The following SLC13A4 variants were observed in gnomAD, a reference collection of about 807,000 sequenced individuals.
SLC13A4 encodes solute carrier family 13 member 4.
SLC13A4 carries 28 observed loss-of-function variants against 72.7 expected under a neutral mutation model. The observed-to-expected ratio is 0.39, with a 90% confidence interval of 0.29 to 0.53. SLC13A4 has a LOEUF of 0.53. SLC13A4 is among the 20% of genes least tolerant of loss of function. The pLI, the probability that SLC13A4 is intolerant of heterozygous loss-of-function variation, is 0.78. For synonymous variants in SLC13A4, 312 were observed against 325.5 expected, an observed-to-expected ratio of 0.96 and a Z score of 0.45; for missense variants, 653 against 788.0, an observed-to-expected ratio of 0.83 and a Z score of 2.05.
At chr7:135,703,163 A>T in intron 5 of SLC13A4, 1 of 477,184 alleles carries the variant, frequency 2.1e-6, no homozygotes, top group Non-Finnish European at 3.8e-6. Flanking sequence ...GATATTAGAT[A>T]CAGAGTGCAC....
At chr7:135,715,490 A>AGTGG (rs1392043025) in intron 2 of SLC13A4, among the ~76,000 whole-genome samples, 2 of 129,952 alleles carry the variant, frequency 1.5e-5, no homozygotes, top group Non-Finnish European at 3.2e-5. Context: ...TGTATGTATG[A>AGTGG]GTGGGTGTGT....
At chr7:135,690,137 C>T (rs868162697) in intron 13 of SLC13A4, among the ~76,000 whole-genome samples, 6 of 135,154 alleles carry the variant, frequency 4.4e-5, no homozygotes, top group Non-Finnish European at 6.1e-5. Context: ...GCAGAGATGG[C>T]GCCACTGCAC....
intron 2 of SLC13A4, among the ~76,000 whole-genome samples, chr7:135,716,815 C>T (rs771276010): frequency 5.3e-5 from 8 of 152,190 alleles, no homozygotes; most frequent in Non-Finnish European, 4.4e-5. Context: ...AGCACCTTCA[C>T]GGAGGATTAA....
At chr7:135,722,029 C>T (rs1325328260) in intron 1 of SLC13A4, among the ~76,000 whole-genome samples, 1 of 152,076 alleles carries the variant, frequency 6.6e-6, no homozygotes, top group Non-Finnish European at 1.5e-5. Context: ...TCACTTGAGC[C>T]CAGGAGTTTG....
chr7:135,689,205 T>A (rs894985879), intron 13 of SLC13A4, among the ~76,000 whole-genome samples: 112 of 151,410 alleles, frequency 7.4e-4, no homozygotes, highest in African/African-American at 2.6e-3. Flanking sequence ...AAAAAAAAAA[T>A]AAAATCTTGC....
chr7:135,699,591 C>T (rs777415136), intron 7 of SLC13A4, 43 bp from the exon 8 acceptor site: 2 of 1,537,556 alleles, frequency 1.3e-6, no homozygotes, highest in Non-Finnish European at 1.8e-6. Context: ...CCAGCTTGGG[C>T]TGTCTGGCCG....
intron 9 of SLC13A4, among the ~76,000 whole-genome samples, chr7:135,694,945 T>A (rs1173295737): frequency 6.6e-6 from 1 of 152,248 alleles, no homozygotes; most frequent in African/African-American, 2.4e-5. Context: ...TTATTCAGGC[T>A]ACTAAGTATA....
At chr7:135,727,171 C>T (rs1395198052) in intron 1 of SLC13A4, among the ~76,000 whole-genome samples, 3 of 152,196 alleles carry the variant, frequency 2.0e-5, no homozygotes, top group African/African-American at 7.2e-5. Flanking sequence ...GTCCTGACCC[C>T]GGTGGGGGCC....
At chr7:135,714,060 G>A (rs1002830023) in intron 2 of SLC13A4, among the ~76,000 whole-genome samples, 3 of 152,234 alleles carry the variant, frequency 2.0e-5, no homozygotes, top group African/African-American at 7.2e-5. Context: ...GGGCAGGAAT[G>A]CTGTTTCTGC....
chr7:135,691,620 CTG>C lies in SLC13A4; in HGVS notation c.1247_1248del (p.Thr416SerfsTer24), dbSNP rs1197422912. On this transcript the variant is annotated frameshift_variant, in exon 12 of 16. Transcript: ENST00000682651. LOFTEE classifies it high-confidence loss of function. ...FEKKGYRTDA[T>X]VSVFLGFLLF... The stretch of plus-strand genomic sequence containing the variant: ...AGGAGGAAGCCAAGGAAGACAGAGA[CTG>C]TGGCATCAGTACGGTAGCCTTTCCT... The C allele has an allele frequency of 6.2e-7, 1 of 1,613,640 alleles. No individual in the cohort carries two copies. Among genetic ancestry groups the C allele is most frequent in the Non-Finnish European group, 8.5e-7 (1 of 1,179,664 alleles).
intron 13 of SLC13A4, among the ~76,000 whole-genome samples, chr7:135,688,002 G>GTCTC (rs1795676865): frequency 6.6e-6 from 1 of 150,942 alleles, no homozygotes; most frequent in South Asian, 2.1e-4. Flanking sequence ...TTGAGAGGAA[G>GTCTC]TCTCACTCTG....
chr7:135,695,257 T>C (rs1164114525), intron 9 of SLC13A4, 111 bp downstream of exon 9: 1 of 1,433,538 alleles, frequency 7.0e-7, no homozygotes, highest in East Asian at 2.3e-5. Flanking sequence ...TTGGGCATCC[T>C]CTGTGGTTAC....
At chr7:135,681,821 T>A in intron 15 of SLC13A4, 121 bp from the exon 16 acceptor site, 1 of 1,380,410 alleles carries the variant, frequency 7.2e-7, no homozygotes, top group South Asian at 1.4e-5. Context: ...AGTTGCTGCC[T>A]GGGGTGCTCT....
chr7:135,691,296 C>G lies in SLC13A4; in HGVS notation c.1351G>C (p.Glu451Gln). Residue 451 changes from glutamate (E) to glutamine (Q), a missense_variant, in exon 13 of 16, where the codon GAG (glutamate) becomes CAG (glutamine). Physicochemically the swap from Glu to Gln is conservative, Grantham distance 29. Coordinates refer to ENST00000682651, the MANE Select transcript of SLC13A4 (RefSeq NM_001318192.2). The stretch of plus-strand genomic sequence containing the variant: ...AAGTCCTTCCACGTGATGATGGGCT[C>G]GGTCCCCAGTGAGTGCTCCTGGTTC... ...GENQEHSLGTEPIITWKDFQK... is the reference protein window; with the variant it reads ...GENQEHSLGTQPIITWKDFQK... 1 of 1,613,674 alleles carries G rather than the reference C, an allele frequency of 6.2e-7. No homozygotes were observed. The highest frequency in any genetic ancestry group is 1.3e-5 in the African/African-American group (1 of 75,006).
At position 135,681,381 on chromosome 7, in the gene SLC13A4, G is replaced by A; in HGVS notation, c.*182C>T. On this transcript the variant is annotated 3_prime_UTR_variant, in exon 16 of 16. Coordinates refer to ENST00000682651, the MANE Select transcript of SLC13A4 (RefSeq NM_001318192.2). Reference sequence around the variant, plus strand: ...GACACTAACAGCGAAGCATGTGTTTGTGGTTGTTGGAGGATTCCTGCAGTT... The same window carrying A: ...GACACTAACAGCGAAGCATGTGTTTATGGTTGTTGGAGGATTCCTGCAGTT... 1.7e-6 allele frequency: 1 copy of A among 604,854 alleles called. No homozygotes were observed. Among genetic ancestry groups the A allele is most frequent in the South Asian group, 3.4e-5 (1 of 29,152 alleles). The allele number at this position is 604,854 out of a possible 1,614,324, so 37.5% of individuals were successfully genotyped here.
intron 5 of SLC13A4, chr7:135,705,365 C>G (rs1259113366): frequency 6.5e-6 from 3 of 458,406 alleles, no homozygotes; most frequent in Non-Finnish European, 1.2e-5. Context: ...TTATTTCTTC[C>G]TCATCACTGC....
At position 135,705,655 on chromosome 7, in the gene SLC13A4, G is replaced by A; in HGVS notation, c.539-5C>T. 6.2e-7 allele frequency: 1 copy of A among 1,613,718 alleles called. No individual in the cohort carries two copies. Among genetic ancestry groups the A allele is most frequent in the Non-Finnish European group, 8.5e-7 (1 of 1,179,626 alleles). On this transcript the variant is annotated splice_region_variant and splice_polypyrimidine_tract_variant and intron_variant, in intron 4 of 15. Coordinates refer to ENST00000682651, the MANE Select transcript of SLC13A4 (RefSeq NM_001318192.2). ...GGCTGTTCTTTACATCCAGACCTAT[G>A]AGTAGCAAAGAAAAGCAGTATGTGA...
intron 8 of SLC13A4, among the ~76,000 whole-genome samples, chr7:135,698,791 C>T (rs1795963391): frequency 6.6e-6 from 1 of 151,690 alleles, no homozygotes; most frequent in Non-Finnish European, 1.5e-5. Flanking sequence ...TGCACCACCA[C>T]ACCCAGCTCA....
intron 15 of SLC13A4, among the ~76,000 whole-genome samples, chr7:135,682,064 A>G (rs752425800): frequency 6.6e-6 from 1 of 152,224 alleles, no homozygotes; most frequent in Admixed American, 6.5e-5. Context: ...GGAACTTCTC[A>G]GAGCCCCGAT....
Sources: allele counts gnomAD v4.1 joint callset (sites outside exome capture counted in the v4.1 genomes callset), GRCh38; gene constraint gnomAD v4.1.1; transcripts MANE v1.5; gene names NCBI Gene and HGNC (gene_info 2026-07-23, HGNC 2026-07-21).